COX16: variants seen among roughly 807,000 people sequenced by gnomAD.
COX16 encodes the protein cytochrome c oxidase assembly protein COX16 homolog, mitochondrial.
Under a neutral mutation model 15.4 loss-of-function variants are expected in COX16, and 12 were observed. The ratio of observed to expected loss-of-function variants is 0.78; its 90% confidence interval spans 0.50 to 1.26. The LOEUF (loss-of-function observed/expected upper bound fraction) is 1.26, where lower values mean the gene tolerates loss of function less well. Among genes scored for constraint, COX16 ranks in the 50% most tolerant of loss-of-function variants. The probability of loss-of-function intolerance (pLI) is 0.00; values close to 1 mark genes in which losing one functional copy is unlikely to be tolerated. For synonymous variants in COX16, 46 were observed against 41.1 expected, an observed-to-expected ratio of 1.12 and a Z score of -0.46; for missense variants, 124 against 127.6, an observed-to-expected ratio of 0.97 and a Z score of 0.14.
intron 1 of COX16, among the ~76,000 whole-genome samples, chr14:70,349,894 T>G (rs1461274786): frequency 6.6e-6 from 1 of 152,128 alleles, no homozygotes; most frequent in Admixed American, 6.5e-5. Flanking sequence ...ATAACTGTCT[T>G]GCAGGCACAG....
chr14:70,348,051 C>T (rs994996158), intron 1 of COX16, among the ~76,000 whole-genome samples: 7 of 152,094 alleles, frequency 4.6e-5, no homozygotes, highest in Non-Finnish European at 1.0e-4. Flanking sequence ...TACCAACGAA[C>T]GTGTAGAGTT....
chr14:70,332,182 T>G lies in COX16; in HGVS notation c.142-2946A>C, dbSNP rs537311418. Among the ~76,000 whole-genome samples the G allele has an allele frequency of 3.9e-5, 6 of 152,362 alleles. No homozygotes were observed. The South Asian group carries it at 1.2e-3, about 32-fold the overall frequency. On this transcript the variant is annotated intron_variant, in intron 2 of 3. Transcript: ENST00000389912. ...AGGCTTGTCTGCCTGATGATATTGG[T>G]CTTGACAGTGAGCCTGAAAGTGACC...
chr14:70,329,034 T>A (rs1020518466), intron 3 of COX16, 140 bp downstream of exon 3: 1 of 606,334 alleles, frequency 1.6e-6, no homozygotes, highest in African/African-American at 2.8e-5. Flanking sequence ...TCCATCTTTT[T>A]ATTTGCTTTT....
chr14:70,349,653 A>G (rs1886886802), intron 1 of COX16, among the ~76,000 whole-genome samples: 2 of 152,182 alleles, frequency 1.3e-5, no homozygotes, highest in African/African-American at 4.8e-5. Flanking sequence ...GTGGACAAAA[A>G]AAATCTCCCT....
chr14:70,337,909 CA>C (rs369049313), intron 2 of COX16, among the ~76,000 whole-genome samples: 4,546 of 140,232 alleles, frequency 0.032, 216 homozygotes, highest in African/African-American at 0.11. Context: ...AAATAAAGTA[CA>C]AAAAAAAAAT....
intron 2 of COX16, among the ~76,000 whole-genome samples, chr14:70,334,653 T>G (rs1886392822): frequency 6.6e-6 from 1 of 152,204 alleles, no homozygotes; most frequent in Non-Finnish European, 1.5e-5. Flanking sequence ...AGTTGTTATA[T>G]CTATAGGATG....
chr14:70,342,811 C>A, intron 1 of COX16, 82 bp from the exon 2 acceptor site: 1 of 1,455,870 alleles, frequency 6.9e-7, no homozygotes, highest in Non-Finnish European at 9.4e-7. Flanking sequence ...CTTTTCTAAA[C>A]AACAATAGAG....
At chr14:70,357,158 C>CAAAAAAAAAAAAA (rs4048531) in intron 1 of COX16, among the ~76,000 whole-genome samples, 9 of 78,702 alleles carry the variant, frequency 1.1e-4, no homozygotes, top group Non-Finnish European at 1.9e-4. Flanking sequence ...AAGCGTTTGT[C>CAAAAAAAAAAAAA]AAAAAAAAAA....
chr14:70,341,896 C>T (rs1023857001), intron 2 of COX16, among the ~76,000 whole-genome samples: 1 of 151,978 alleles, frequency 6.6e-6, no homozygotes, highest in South Asian at 2.1e-4. Context: ...TATAGTCCTA[C>T]TACAAAGTAG....
chr14:70,336,030 G>A (rs1886442084), intron 2 of COX16, among the ~76,000 whole-genome samples: 1 of 152,190 alleles, frequency 6.6e-6, no homozygotes, highest in Non-Finnish European at 1.5e-5. Context: ...GCCAAGGCAG[G>A]TGGATCATGA....
At chr14:70,326,590 A>ACAATCATTGATGAAATGTCATC in intron 3 of COX16, 141 bp from the exon 4 acceptor site, 2 of 511,180 alleles carry the variant, frequency 3.9e-6, no homozygotes, top group Non-Finnish European at 6.1e-6. Flanking sequence ...TAAATCAACT[A>ACAATCATTGATGAAATGTCATC]CAATCATTGA....
intron 2 of COX16, among the ~76,000 whole-genome samples, chr14:70,330,589 CAACATACCAAAA>C (rs1272101466): frequency 6.6e-6 from 1 of 152,070 alleles, no homozygotes; most frequent in East Asian, 1.9e-4. Flanking sequence ...AAGAATTCAG[CAACATACCAAAA>C]AGACAGCATA....
chr14:70,339,430 T>C (rs1886558173), intron 2 of COX16, among the ~76,000 whole-genome samples: 1 of 152,136 alleles, frequency 6.6e-6, no homozygotes, highest in Non-Finnish European at 1.5e-5. Flanking sequence ...AAACTTTCAG[T>C]ACAAAAATCA....
At position 70,326,120 on chromosome 14, in the gene COX16, C is replaced by A; in HGVS notation, c.*213G>T. Reference sequence around the variant, plus strand: ...TTTCGAGGTGTAAAATATACGTGGCCAACATTGTTACTTTCATCCACAGAT... The same window carrying A: ...TTTCGAGGTGTAAAATATACGTGGCAAACATTGTTACTTTCATCCACAGAT... On this transcript the variant is annotated 3_prime_UTR_variant, in exon 4 of 4. Coordinates refer to ENST00000389912, the MANE Select transcript of COX16 (RefSeq NM_016468.7). 1 of 306,098 alleles carries A rather than the reference C, an allele frequency of 3.3e-6. No individual in the cohort carries two copies. The highest frequency in any genetic ancestry group is 5.8e-6 in the Non-Finnish European group (1 of 172,404). 19.0% of individuals were successfully genotyped at this position (306,098 alleles called of 1,614,324 possible). A position where few individuals can be genotyped will look rare whatever the true frequency, so the allele number is the denominator to read the frequency against.
At chr14:70,353,621 C>A (rs1205835398) in intron 1 of COX16, among the ~76,000 whole-genome samples, 1 of 151,750 alleles carries the variant, frequency 6.6e-6, no homozygotes, top group Non-Finnish European at 1.5e-5. Context: ...TCAAGTAATT[C>A]TCCCGTCTCA....
chr14:70,332,225 C>T (rs555636119), intron 2 of COX16, among the ~76,000 whole-genome samples: 30 of 152,356 alleles, frequency 2.0e-4, no homozygotes, highest in African/African-American at 6.7e-4. Context: ...TCTGCTCCAG[C>T]CTTCAGCTGC....
intron 1 of COX16, among the ~76,000 whole-genome samples, chr14:70,354,837 T>TGTGC (rs1052081927): frequency 7.8e-5 from 7 of 90,220 alleles, no homozygotes; most frequent in African/African-American, 3.0e-4. Flanking sequence ...AGAGTGTGTG[T>TGTGC]GTGCGTGTGT....
intron 2 of COX16, among the ~76,000 whole-genome samples, chr14:70,341,686 T>C (rs2140717619): frequency 6.6e-6 from 1 of 152,330 alleles, no homozygotes; most frequent in Middle Eastern, 3.4e-3. Context: ...TCCTCACCTG[T>C]AAAATAAAGA....
chr14:70,328,820 CTT>C (rs1422044161), intron 3 of COX16, among the ~76,000 whole-genome samples: 2 of 151,756 alleles, frequency 1.3e-5, no homozygotes, highest in Non-Finnish European at 1.5e-5. Context: ...TCATTCTTAA[CTT>C]TTGAATTTGT....
Sources: allele counts gnomAD v4.1 joint callset (sites outside exome capture counted in the v4.1 genomes callset), GRCh38; gene constraint gnomAD v4.1.1; transcripts MANE v1.5; gene names NCBI Gene and HGNC (gene_info 2026-07-23, HGNC 2026-07-21).